PARD3B: variants seen among roughly 807,000 people sequenced by gnomAD.
PARD3B encodes the protein partitioning defective 3 homolog B.
A neutral mutation model predicts 130.2 loss-of-function variants in PARD3B; 103 were observed. That is an observed-to-expected ratio of 0.79 (90% confidence interval 0.67 to 0.93). The LOEUF (loss-of-function observed/expected upper bound fraction) is 0.93, where lower values mean the gene tolerates loss of function less well. Among genes scored for constraint, PARD3B ranks in the 40% least tolerant of loss-of-function variants. PARD3B has a pLI of 0.00. For missense variants in PARD3B, 1,609 were observed against 1,499.2 expected (o/e 1.07, Z -1.21); for synonymous variants, 583 against 553.2 (o/e 1.05, Z -0.76).
intron 1 of PARD3B, among the ~76,000 whole-genome samples, chr2:204,681,320 A>G (rs2036821957): frequency 6.6e-6 from 1 of 152,092 alleles, no homozygotes; most frequent in South Asian, 2.1e-4. Context: ...CCCTCATTTT[A>G]TATGTAATTA....
chr2:204,869,722 T>C (rs2045562155), intron 2 of PARD3B, among the ~76,000 whole-genome samples: 1 of 152,116 alleles, frequency 6.6e-6, no homozygotes, highest in Admixed American at 6.6e-5. Flanking sequence ...TTTTCTTATC[T>C]AGGATCAAAG....
intron 2 of PARD3B, among the ~76,000 whole-genome samples, chr2:204,746,362 T>C (rs2040228503): frequency 6.6e-6 from 1 of 152,060 alleles, no homozygotes; most frequent in Admixed American, 6.5e-5. Flanking sequence ...GTGCCACATT[T>C]TCTTAATCCA....
intron 14 of PARD3B, among the ~76,000 whole-genome samples, chr2:205,192,977 G>A (rs902468663): frequency 6.6e-6 from 1 of 152,084 alleles, no homozygotes; most frequent in Non-Finnish European, 1.5e-5. Flanking sequence ...AGTAAAACAC[G>A]ATATTGCCCA....
intron 18 of PARD3B, among the ~76,000 whole-genome samples, chr2:205,373,065 G>A (rs1166421007): frequency 6.6e-6 from 1 of 152,140 alleles, no homozygotes; most frequent in African/African-American, 2.4e-5. Flanking sequence ...GTAGAGGCTT[G>A]CTTTTATTTC....
intron 22 of PARD3B, among the ~76,000 whole-genome samples, chr2:205,605,437 G>A (rs75790077): frequency 6.6e-6 from 1 of 152,100 alleles, no homozygotes; most frequent in East Asian, 1.9e-4. Flanking sequence ...TGCTATTGTT[G>A]TTGCTTCCTT....
intron 1 of PARD3B, among the ~76,000 whole-genome samples, chr2:204,643,107 C>T (rs2035143035): frequency 9.0e-5 from 1 of 11,058 alleles, no homozygotes; most frequent in East Asian, 7.4e-3. Context: ...GAGGGAGACT[C>T]TGTCTCACAA....
chr2:205,199,268 T>G (rs1366191140), intron 15 of PARD3B, among the ~76,000 whole-genome samples: 1 of 151,722 alleles, frequency 6.6e-6, no homozygotes, highest in Non-Finnish European at 1.5e-5. Flanking sequence ...AGCTCAAGAG[T>G]TAAGGAAAAA....
At chr2:204,733,110 G>A (rs2039586969) in intron 2 of PARD3B, among the ~76,000 whole-genome samples, 1 of 152,050 alleles carries the variant, frequency 6.6e-6, no homozygotes, top group Non-Finnish European at 1.5e-5. Flanking sequence ...AAGGAAACAG[G>A]AGCCGACTGG....
At chr2:204,936,566 G>A (rs1264293402) in intron 2 of PARD3B, among the ~76,000 whole-genome samples, 1 of 151,948 alleles carries the variant, frequency 6.6e-6, no homozygotes, top group Non-Finnish European at 1.5e-5. Flanking sequence ...TAATATTATT[G>A]TCCTACTTTT....
intron 3 of PARD3B, among the ~76,000 whole-genome samples, chr2:205,041,376 A>G (rs1363161553): frequency 6.6e-6 from 1 of 152,034 alleles, no homozygotes; most frequent in African/African-American, 2.4e-5. Flanking sequence ...AAACCTCCCT[A>G]TTGCTCTTCT....
intron 20 of PARD3B, among the ~76,000 whole-genome samples, chr2:205,469,670 TCA>T (rs1489979914): frequency 6.6e-6 from 1 of 152,226 alleles, no homozygotes; most frequent in Non-Finnish European, 1.5e-5. Context: ...AATCTCTTCC[TCA>T]CACCCTATAT....
intron 3 of PARD3B, among the ~76,000 whole-genome samples, chr2:204,975,389 G>A (rs1414742097): frequency 2.0e-5 from 3 of 152,154 alleles, no homozygotes; most frequent in African/African-American, 4.8e-5. Context: ...CCCCGGACAC[G>A]ATCTGCAAGG....
rs917244331 is a variant in PARD3B at position 205,584,693 on chromosome 2, AAAAT to A, written c.3261-30750_3261-30747del. Among the ~76,000 whole-genome samples the A allele has an allele frequency of 6.6e-6, 1 of 152,062 alleles. No homozygotes were observed. Among genetic ancestry groups the A allele is most frequent in the African/African-American group, 2.4e-5 (1 of 41,400 alleles). On this transcript the variant is annotated intron_variant, in intron 22 of 22. Coordinates refer to ENST00000406610, the MANE Select transcript of PARD3B (RefSeq NM_001302769.2). The surrounding 1 kb of genome is among the most constrained non-coding windows in gnomAD (Gnocchi z 5.5). ...ACTCCATCTCAAAAATAAATAAATA[AAAAT>A]AAATAAATAAATGATATATGTGGCT...
intron 22 of PARD3B, among the ~76,000 whole-genome samples, chr2:205,588,732 A>C (rs1476781015): frequency 6.6e-6 from 1 of 152,204 alleles, no homozygotes; most frequent in Non-Finnish European, 1.5e-5. Flanking sequence ...ACTTCAATAA[A>C]ATTTTTAATT....
In PARD3B at chr2:205,152,343, C is replaced by T. The variant is rs144964122; in HGVS notation, c.1435-6379C>T. 4.4e-3 allele frequency among the ~76,000 whole-genome samples: 668 copies of T among 152,286 alleles called. 3 individuals carry two copies. The highest frequency in any genetic ancestry group is 6.8e-3 in the Middle Eastern group (2 of 294). ...TGGGGAAGTTCTCCTGGGTAACATCCTGAAGAGTGTTTTCCAACTTGGTTC... is the reference window on the plus strand; with the variant it reads ...TGGGGAAGTTCTCCTGGGTAACATCTTGAAGAGTGTTTTCCAACTTGGTTC... On this transcript the variant is annotated intron_variant, in intron 10 of 22. Coordinates refer to ENST00000406610, the MANE Select transcript of PARD3B (RefSeq NM_001302769.2).
chr2:205,206,021 G>C lies in PARD3B; in HGVS notation c.2140+12701G>C, dbSNP rs894941271. On this transcript the variant is annotated intron_variant, in intron 15 of 22. Transcript: ENST00000406610. ...GTTTGGAATAGTTTCAGAAGGAATG[G>C]TATCAGCTCCTCTTTGTACCTCTGG... is the stretch of plus-strand genomic sequence containing the variant. 5.9e-5 allele frequency among the ~76,000 whole-genome samples: 9 copies of C among 152,224 alleles called. No homozygotes were observed. The South Asian group carries it at 1.7e-3, about 28-fold the overall frequency.
chr2:205,300,719 C>T lies in PARD3B; in HGVS notation c.2375C>T (p.Pro792Leu), dbSNP rs1018273827. ...GCCATTGACAAATCCTACGATGGACCTGAAGAAATAGAAGCTGGTAGGATG... is the reference window on the plus strand; with the variant it reads ...GCCATTGACAAATCCTACGATGGACTTGAAGAAATAGAAGCTGGTAGGATG... ...RAAIDKSYDGPEEIEADGLSD... is the reference protein window; with the variant it reads ...RAAIDKSYDGLEEIEADGLSD... The change falls in exon 17 of 23, where the codon CCT becomes CTT. Residue 792 changes from proline to leucine, a missense_variant. Transcript: ENST00000406610. The surrounding 1 kb of genome is among the most constrained non-coding windows in gnomAD (Gnocchi z 4.1). The T allele has an allele frequency of 3.8e-5, 62 of 1,610,924 alleles. No individual in the cohort carries two copies. Among genetic ancestry groups the T allele is most frequent in the Non-Finnish European group, 5.3e-5 (62 of 1,177,550 alleles).
At chr2:204,857,422 A>G (rs2125619871) in intron 2 of PARD3B, among the ~76,000 whole-genome samples, 1 of 152,284 alleles carries the variant, frequency 6.6e-6, no homozygotes, top group South Asian at 2.1e-4. Context: ...ACCCATTTCT[A>G]GGTTCATGAC....
intron 22 of PARD3B, 48 bp from the exon 23 acceptor site, chr2:205,615,408 A>G: frequency 6.7e-7 from 1 of 1,489,608 alleles, no homozygotes; most frequent in Non-Finnish European, 9.1e-7. Flanking sequence ...CTCCAGCCGG[A>G]CGGCCAGCTT....
Sources: gnomAD v4.1 joint callset for allele counts (sites outside exome capture counted in the v4.1 genomes callset) on GRCh38, gnomAD v4.1.1 for gene constraint, Gnocchi (gnomAD v3.1) non-coding constraint, MANE v1.5 for transcripts, NCBI Gene and HGNC (gene_info 2026-07-23, HGNC 2026-07-21) for gene names.